Variants in RNF182 observed in about 807,000 individuals in gnomAD.
RNF182 encodes the protein E3 ubiquitin-protein ligase RNF182.
In RNF182, 15 loss-of-function variants were observed where a neutral mutation model predicts 14.4. The observed-to-expected ratio is 1.04, with a 90% CI of 0.70 to 1.60. RNF182 has a LOEUF of 1.60. Ranked by LOEUF, RNF182 falls within the 40% of genes most tolerant of loss-of-function variation. The pLI is 0.00. For missense variants in RNF182, 268 were observed against 294.8 expected, an observed-to-expected ratio of 0.91 and a Z score of 0.67; for synonymous variants, 128 against 122.9, an observed-to-expected ratio of 1.04 and a Z score of -0.27.
At chr6:13,975,636 G>A (rs572218628) in intron 2 of RNF182, among the ~76,000 whole-genome samples, 1 of 152,120 alleles carries the variant, frequency 6.6e-6, no homozygotes, top group Non-Finnish European at 1.5e-5. Context: ...GTATTAATAA[G>A]TCAACTATTC....
intron 1 of RNF182, among the ~76,000 whole-genome samples, chr6:13,950,748 T>C (rs1205132386): frequency 2.0e-5 from 3 of 146,994 alleles, no homozygotes; most frequent in Admixed American, 2.0e-4. Flanking sequence ...CTGCCTGCCT[T>C]GGCTTCCCAA....
intron 1 of RNF182, among the ~76,000 whole-genome samples, chr6:13,963,386 T>C (rs773472612): frequency 1.3e-5 from 2 of 152,196 alleles, no homozygotes; most frequent in Non-Finnish European, 2.9e-5. Flanking sequence ...ATTTTGCTTA[T>C]CTATTGTTAC....
chr6:13,936,699 T>C (rs1235912563), intron 1 of RNF182, among the ~76,000 whole-genome samples: 1 of 152,232 alleles, frequency 6.6e-6, no homozygotes, highest in Non-Finnish European at 1.5e-5. Context: ...ATGGGGCATA[T>C]GTGTGATGCC....
chr6:13,955,393 A>G (rs1759701211), intron 1 of RNF182, among the ~76,000 whole-genome samples: 1 of 152,254 alleles, frequency 6.6e-6, no homozygotes, highest in African/African-American at 2.4e-5. Flanking sequence ...CATAACAGAA[A>G]GGAAGCTGCA....
rs1561784304 is a variant in RNF182 at position 13,960,646 on chromosome 6, G to GAGAGAGAGAGAGAGA, written c.-366-13564_-366-13563insAGAGAGAGAGAGAGA. Among the ~76,000 whole-genome samples the GAGAGAGAGAGAGAGA allele has an allele frequency of 6.0e-4, 89 of 148,142 alleles. 1 individual carries two copies. The highest frequency in any genetic ancestry group is 1.8e-3 in the African/African-American group (72 of 38,992). On this transcript the variant is annotated intron_variant, in intron 1 of 2. Coordinates refer to ENST00000488300, the MANE Select transcript of RNF182 (RefSeq NM_152737.4). ...AGTAATATGTACTTTTTTGATGGAG[G>GAGAGAGAGAGAGAGA]GAGAGAGAGAGTGTGTGTGTGTGTG...
intron 1 of RNF182, among the ~76,000 whole-genome samples, chr6:13,963,808 C>T (rs1759942295): frequency 6.6e-6 from 1 of 152,136 alleles, no homozygotes; most frequent in African/African-American, 2.4e-5. Context: ...GATTCCTCTA[C>T]TTGTTGATCA....
chr6:13,970,184 A>G (rs150946531), intron 1 of RNF182, among the ~76,000 whole-genome samples: 90 of 152,340 alleles, frequency 5.9e-4, no homozygotes, highest in African/African-American at 2.0e-3. Flanking sequence ...TTTGAAATAT[A>G]CACATTATTG....
chr6:13,966,113 G>T (rs1760022565), intron 1 of RNF182, among the ~76,000 whole-genome samples: 1 of 152,186 alleles, frequency 6.6e-6, no homozygotes, highest in South Asian at 2.1e-4. Context: ...GGACTACTGG[G>T]TTGGTTTCAG....
At chr6:13,949,620 T>A in intron 1 of RNF182, 1 of 379,580 alleles carries the variant, frequency 2.6e-6, no homozygotes, top group Non-Finnish European at 5.0e-6. Context: ...GATATGACGA[T>A]GATTCTTATC....
chr6:13,969,549 A>C (rs1760123762), intron 1 of RNF182, among the ~76,000 whole-genome samples: 1 of 152,216 alleles, frequency 6.6e-6, no homozygotes, highest in African/African-American at 2.4e-5. Context: ...GGAGAAAAAA[A>C]GATCCTAGGT....
At chr6:13,943,498 A>G (rs936086258) in intron 1 of RNF182, among the ~76,000 whole-genome samples, 1 of 152,100 alleles carries the variant, frequency 6.6e-6, no homozygotes, top group Non-Finnish European at 1.5e-5. Flanking sequence ...CTACTGGGTA[A>G]GTGAATTTTG....
intron 2 of RNF182, among the ~76,000 whole-genome samples, chr6:13,975,432 G>A (rs915857413): frequency 3.9e-5 from 6 of 152,218 alleles, no homozygotes; most frequent in South Asian, 4.2e-4. Flanking sequence ...AGCTTGGTTC[G>A]TGGTAGCAGT....
rs1340069144 is a variant in RNF182, at chr6:13,977,085, AC to A, written c.-32del. 1 of 1,577,498 alleles carries A rather than the reference AC, an allele frequency of 6.3e-7. No individual in the cohort carries two copies. The highest frequency in any genetic ancestry group is 1.8e-5 in the Admixed American group (1 of 56,572). ...TTAATCAAAGCCATTCTTCAACAAG[AC>A]CCACCTGGCATAAGATTGCACACAT... is the stretch of plus-strand genomic sequence containing the variant. On this transcript the variant is annotated 5_prime_UTR_variant, in exon 3 of 3. Transcript: ENST00000488300.
intron 1 of RNF182, among the ~76,000 whole-genome samples, chr6:13,960,592 A>G (rs1473675248): frequency 6.6e-6 from 1 of 152,122 alleles, no homozygotes; most frequent in Non-Finnish European, 1.5e-5. Flanking sequence ...GATGAAGGAC[A>G]GTTGGTGATT....
chr6:13,932,055 A>C (rs570132835), intron 1 of RNF182, among the ~76,000 whole-genome samples: 74 of 152,342 alleles, frequency 4.9e-4, no homozygotes, highest in African/African-American at 1.8e-3. Flanking sequence ...TGGACTTCCC[A>C]GTTCCCAGAA....
chr6:13,934,642 G>C (rs1759061541), intron 1 of RNF182, among the ~76,000 whole-genome samples: 1 of 152,180 alleles, frequency 6.6e-6, no homozygotes, highest in Non-Finnish European at 1.5e-5. Context: ...TATGAAGACT[G>C]AACTGTGATC....
Position 13,925,031 on chromosome 6 carries a change from G to T in RNF182, c.-367+8G>T, listed in dbSNP as rs1376564274. The T allele has an allele frequency of 4.1e-4, 1 of 2,428 alleles. No homozygotes were observed. Among genetic ancestry groups the T allele is most frequent in the East Asian group, 0.033 (1 of 30 alleles). 0.2% of individuals were successfully genotyped at this position (2,428 alleles called of 1,614,324 possible). A position where few individuals can be genotyped will look rare whatever the true frequency, so the allele number is the denominator to read the frequency against. ...TGGGCCGCCGCCGGCCAGGTAAGGC[G>T]ATCGCGCCCGCGGCCGGGGAGGGGT... On this transcript the variant is annotated splice_region_variant and intron_variant, in intron 1 of 2. Coordinates refer to ENST00000488300, the MANE Select transcript of RNF182 (RefSeq NM_152737.4).
intron 1 of RNF182, among the ~76,000 whole-genome samples, chr6:13,947,380 G>T (rs1759465262): frequency 6.6e-6 from 1 of 152,160 alleles, no homozygotes; most frequent in Admixed American, 6.5e-5. Context: ...GGACTGATTT[G>T]TTGGCAAAAT....
chr6:13,972,304 CAAAA>C (rs1162936847), intron 1 of RNF182, among the ~76,000 whole-genome samples: 1 of 61,084 alleles, frequency 1.6e-5, no homozygotes, highest in African/African-American at 5.9e-5. Flanking sequence ...GACTCTGTCT[CAAAA>C]AAAAAAAAAA....
Sources: gnomAD v4.1 joint callset for allele counts (sites outside exome capture counted in the v4.1 genomes callset) on GRCh38, gnomAD v4.1.1 for gene constraint, MANE v1.5 for transcripts, NCBI Gene and HGNC (gene_info 2026-07-23, HGNC 2026-07-21) for gene names.